The following PPP1R12A variants were observed in gnomAD, a reference collection of about 807,000 sequenced individuals.
The protein encoded by PPP1R12A is myosin binding subunit.
Under a neutral mutation model 139.6 loss-of-function variants are expected in PPP1R12A, and 19 were observed. The observed-to-expected ratio is 0.14, with a 90% CI of 0.09 to 0.20. The LOEUF (loss-of-function observed/expected upper bound fraction) is 0.20, where lower values mean the gene tolerates loss of function less well. Among genes scored for constraint, PPP1R12A ranks in the 10% least tolerant of loss-of-function variants. The pLI is 1.00. For synonymous variants in PPP1R12A, 427 were observed against 420.6 expected (o/e 1.02, Z -0.19); for missense variants, 925 against 1,211.5 (o/e 0.76, Z 3.51).
rs574028296 is a variant in PPP1R12A at position 79,853,774 on chromosome 12, T to C, written c.369-8354A>G. ...ATGCCTTAGCATCTTACTTTATTAC[T>C]GCAACTTCCAATTCTCAGAGGCAAA... On this transcript the variant is annotated intron_variant, in intron 2 of 24. Coordinates refer to ENST00000450142, the MANE Select transcript of PPP1R12A (RefSeq NM_002480.3). Among the ~76,000 whole-genome samples, 35 of 152,372 alleles carry C rather than the reference T, an allele frequency of 2.3e-4. 1 individual carries two copies. In the South Asian group the frequency reaches 6.8e-3, roughly 30 times the overall value.
intron 1 of PPP1R12A, among the ~76,000 whole-genome samples, chr12:79,920,349 A>G (rs1887342459): frequency 6.6e-6 from 1 of 152,216 alleles, no homozygotes; most frequent in Non-Finnish European, 1.5e-5. Flanking sequence ...GTGTGGACAC[A>G]TGTTCAATTC....
chr12:79,841,387 A>G (rs567239812), intron 3 of PPP1R12A, among the ~76,000 whole-genome samples: 6 of 152,266 alleles, frequency 3.9e-5, no homozygotes, highest in African/African-American at 1.4e-4. Flanking sequence ...ATATATTTTA[A>G]TACATAGCAC....
At chr12:79,925,270 G>A (rs989647576) in intron 1 of PPP1R12A, among the ~76,000 whole-genome samples, 1 of 152,152 alleles carries the variant, frequency 6.6e-6, no homozygotes, top group Non-Finnish European at 1.5e-5. Context: ...ACGTGTGTGT[G>A]TGTGTGTGTG....
chr12:79,913,935 T>C (rs1456398915), intron 1 of PPP1R12A: 1 of 152,132 alleles, frequency 6.6e-6, no homozygotes, highest in Non-Finnish European at 1.5e-5. Flanking sequence ...AGCTTGTATG[T>C]GACATCACAA....
At chr12:79,911,239 A>AC (rs1330261248) in intron 1 of PPP1R12A, among the ~76,000 whole-genome samples, 1 of 151,610 alleles carries the variant, frequency 6.6e-6, no homozygotes, top group Non-Finnish European at 1.5e-5. Context: ...AAAACCAACA[A>AC]CCCTCCAGGC....
At chr12:79,825,253 A>G (rs370895457) in intron 5 of PPP1R12A, 47 of 152,272 alleles carry the variant, frequency 3.1e-4, no homozygotes, top group African/African-American at 1.1e-3. Context: ...TTTGTTATTC[A>G]TTTAAATCTT....
At chr12:79,899,233 A>AATATATATATATAT (rs58319454) in intron 1 of PPP1R12A, among the ~76,000 whole-genome samples, 1 of 141,920 alleles carries the variant, frequency 7.0e-6, no homozygotes, top group Non-Finnish European at 1.5e-5. Context: ...AGATCTTAAA[A>AATATATATATATAT]ATATATATAT....
chr12:79,873,592 A>C (rs936967284), intron 1 of PPP1R12A, among the ~76,000 whole-genome samples: 2 of 151,218 alleles, frequency 1.3e-5, no homozygotes, highest in African/African-American at 4.9e-5. Context: ...CTTGAGTTTG[A>C]GTTCAAGGCT....
intron 14 of PPP1R12A, among the ~76,000 whole-genome samples, chr12:79,800,162 C>A (rs1012709022): frequency 6.6e-6 from 1 of 152,170 alleles, no homozygotes; most frequent in Non-Finnish European, 1.5e-5. Flanking sequence ...TCAGAGAACA[C>A]TTATAGAACC....
chr12:79,808,690 T>C, intron 10 of PPP1R12A, 113 bp from the exon 11 acceptor site: 1 of 492,214 alleles, frequency 2.0e-6, no homozygotes, highest in Non-Finnish European at 3.6e-6. Context: ...GCTATCATAG[T>C]TTACAGTATT....
intron 1 of PPP1R12A, among the ~76,000 whole-genome samples, chr12:79,905,264 A>G (rs1312327247): frequency 2.0e-5 from 3 of 152,014 alleles, no homozygotes; most frequent in African/African-American, 7.2e-5. Context: ...GAGCTTAACA[A>G]CAAATTAATT....
Position 79,821,119 on chromosome 12 carries a change from T to C in PPP1R12A, c.915A>G (p.Thr305=), listed in dbSNP as rs371911962. The part of the protein sequence containing the change: ...RDKKSPLIES[T]ANMDNNQSQK... ...GTGACTGATTATTGTCCATATTTGCTGTTGATTCAATTAGTGGAGATTTCT... is the reference window on the plus strand; with the variant it reads ...GTGACTGATTATTGTCCATATTTGCCGTTGATTCAATTAGTGGAGATTTCT... The change falls in exon 7 of 25, where the codon ACA becomes ACG. Residue 305 remains threonine, a synonymous_variant. Transcript: ENST00000450142. 3.6e-5 allele frequency: 58 copies of C among 1,613,246 alleles called. No homozygotes were observed. Among genetic ancestry groups the C allele is most frequent in the Non-Finnish European group, 4.7e-5 (55 of 1,179,450 alleles).
intron 2 of PPP1R12A, among the ~76,000 whole-genome samples, chr12:79,854,062 G>C (rs1880351213): frequency 6.6e-6 from 1 of 152,048 alleles, no homozygotes; most frequent in South Asian, 2.1e-4. Context: ...ATTTCTTCTG[G>C]ATGTTGTCTG....
In PPP1R12A at chr12:79,935,019, TG is replaced by T; in HGVS notation, c.-89del. ...AGAGGGGAGGCAGGGGGTGTGTGAA[TG>T]TTTCTATGAGTGCGGGCCAGAGGAG... On this transcript the variant is annotated 5_prime_UTR_variant, in exon 1 of 25. Transcript: ENST00000450142. The T allele has an allele frequency of 6.8e-7, 1 of 1,472,316 alleles. No homozygotes were observed. Among genetic ancestry groups the T allele is most frequent in the Non-Finnish European group, 9.0e-7 (1 of 1,110,306 alleles). 91.2% of individuals were successfully genotyped at this position (1,472,316 alleles called of 1,614,324 possible).
intron 6 of PPP1R12A, 39 bp from the exon 7 acceptor site, chr12:79,821,205 T>C: frequency 7.2e-7 from 1 of 1,396,258 alleles, no homozygotes; most frequent in Non-Finnish European, 1.0e-6. Context: ...AAGAAAACTA[T>C]TAAGATACTA....
At chr12:79,804,015 T>A (rs922489481) in intron 14 of PPP1R12A, among the ~76,000 whole-genome samples, 1 of 152,110 alleles carries the variant, frequency 6.6e-6, no homozygotes, top group African/African-American at 2.4e-5. Context: ...TGAATCTCTA[T>A]GCTAGAGATA....
chr12:79,901,669 T>C (rs1885652448), intron 1 of PPP1R12A, among the ~76,000 whole-genome samples: 2 of 152,186 alleles, frequency 1.3e-5, no homozygotes, highest in Non-Finnish European at 2.9e-5. Context: ...AAAGAGAAGT[T>C]ACTCAATATT....
intron 1 of PPP1R12A, among the ~76,000 whole-genome samples, chr12:79,927,429 T>A (rs1168247043): frequency 6.6e-6 from 1 of 152,188 alleles, no homozygotes; most frequent in East Asian, 1.9e-4. Context: ...ACAGTACTAC[T>A]GCACTTCAAT....
intron 1 of PPP1R12A, among the ~76,000 whole-genome samples, chr12:79,874,148 C>T (rs879896720): frequency 5.9e-5 from 9 of 151,988 alleles, no homozygotes; most frequent in South Asian, 4.1e-4. Context: ...TGGTGGAGCA[C>T]GCCTAGTCCC....
Sources: allele counts gnomAD v4.1 joint callset (sites outside exome capture counted in the v4.1 genomes callset), GRCh38; gene constraint gnomAD v4.1.1; transcripts MANE v1.5; gene names NCBI Gene and HGNC (gene_info 2026-07-23, HGNC 2026-07-21).